Variants in GALNT13 observed in about 807,000 individuals in gnomAD.
GALNT13 encodes polypeptide N-acetylgalactosaminyltransferase 13.
GALNT13 carries 28 observed loss-of-function variants against 64.2 expected under a neutral mutation model. The observed-to-expected ratio is 0.44, with a 90% CI of 0.32 to 0.60. The LOEUF is 0.60. Among genes scored for constraint, GALNT13 ranks in the 20% least tolerant of loss-of-function variants. GALNT13 has a pLI of 0.05. For synonymous variants in GALNT13, 214 were observed against 224.6 expected, an observed-to-expected ratio of 0.95 and a Z score of 0.42; for missense variants, 577 against 669.8, an observed-to-expected ratio of 0.86 and a Z score of 1.53.
chr2:153,443,449 TC>T, the GALNT13 span, among the ~76,000 whole-genome samples: 1 of 152,222 alleles, frequency 6.6e-6, no homozygotes, highest in Non-Finnish European at 1.5e-5. Flanking sequence ...CTCACCTTTT[TC>T]CCATTTTCCC....
chr2:154,432,050 T>A (rs997122170), intron 11 of GALNT13, among the ~76,000 whole-genome samples: 2 of 152,202 alleles, frequency 1.3e-5, no homozygotes, highest in Non-Finnish European at 2.9e-5. Flanking sequence ...GAATTGAGAT[T>A]TGAATTGGCT....
the GALNT13 span, among the ~76,000 whole-genome samples, chr2:153,786,518 G>A: frequency 6.6e-6 from 1 of 152,006 alleles, no homozygotes; most frequent in African/African-American, 2.4e-5. Flanking sequence ...TTTAATCCCT[G>A]CTGCCCTTGG....
chr2:153,412,850 G>A, the GALNT13 span, among the ~76,000 whole-genome samples: 6 of 152,168 alleles, frequency 3.9e-5, no homozygotes, highest in African/African-American at 1.4e-4. Flanking sequence ...CAGATGGGTT[G>A]GAGATATTTC....
intron 3 of GALNT13, among the ~76,000 whole-genome samples, chr2:153,991,682 G>A (rs962861347): frequency 1.3e-5 from 2 of 152,140 alleles, no homozygotes; most frequent in African/African-American, 4.8e-5. Context: ...ACTGTATTTT[G>A]TTAAACAGGG....
intron 9 of GALNT13, among the ~76,000 whole-genome samples, chr2:154,393,356 T>C (rs1482949922): frequency 6.6e-6 from 1 of 152,140 alleles, no homozygotes; most frequent in African/African-American, 2.4e-5. Flanking sequence ...ATACTTGCTT[T>C]CCTATCTTTA....
At chr2:154,242,253 T>G in intron 5 of GALNT13, 57 bp downstream of exon 5, 1 of 1,508,802 alleles carries the variant, frequency 6.6e-7, no homozygotes, top group Non-Finnish European at 9.1e-7. Flanking sequence ...TGTTTTGTTT[T>G]TTTGTATTAG....
the GALNT13 span, among the ~76,000 whole-genome samples, chr2:153,096,088 T>A: frequency 2.6e-5 from 4 of 151,910 alleles, no homozygotes; most frequent in Non-Finnish European, 5.9e-5. Flanking sequence ...AAAAAACAAA[T>A]TTTTCAGTTT....
chr2:154,032,814 T>A (rs1698420748), intron 3 of GALNT13, among the ~76,000 whole-genome samples: 1 of 149,630 alleles, frequency 6.7e-6, no homozygotes, highest in Admixed American at 6.7e-5. Context: ...AGTGGAAAGC[T>A]CAGTGCTTTT....
At chr2:153,157,001 C>T in the GALNT13 span, among the ~76,000 whole-genome samples, 1 of 152,046 alleles carries the variant, frequency 6.6e-6, no homozygotes, top group African/African-American at 2.4e-5. Flanking sequence ...ATGACTGGGC[C>T]TCTTAGTGAA....
At chr2:153,718,958 G>A in the GALNT13 span, among the ~76,000 whole-genome samples, 2 of 152,026 alleles carry the variant, frequency 1.3e-5, no homozygotes, top group African/African-American at 2.4e-5. Context: ...AAGAAATGCC[G>A]TGAATTTTAC....
chr2:154,303,500 T>C (rs1009636369), intron 9 of GALNT13, among the ~76,000 whole-genome samples: 12 of 152,134 alleles, frequency 7.9e-5, no homozygotes, highest in African/African-American at 2.9e-4. Flanking sequence ...CTAGCATCTA[T>C]ATCTGCAGTT....
At chr2:154,026,746 A>G (rs1333406621) in intron 3 of GALNT13, among the ~76,000 whole-genome samples, 1 of 152,184 alleles carries the variant, frequency 6.6e-6, no homozygotes, top group Non-Finnish European at 1.5e-5. Context: ...CTCCAAATAC[A>G]TTCAAAATGT....
the GALNT13 span, among the ~76,000 whole-genome samples, chr2:153,744,349 G>A: frequency 6.6e-6 from 1 of 152,154 alleles, no homozygotes; most frequent in East Asian, 1.9e-4. Context: ...GGTATTGTCT[G>A]TCTTTTGGAT....
At chr2:153,326,167 T>G in the GALNT13 span, among the ~76,000 whole-genome samples, 3 of 152,232 alleles carry the variant, frequency 2.0e-5, no homozygotes, top group African/African-American at 7.2e-5. Context: ...GCTCCTGTAC[T>G]GGGTGCATAT....
intron 10 of GALNT13, among the ~76,000 whole-genome samples, chr2:154,405,770 C>T (rs556389562): frequency 2.5e-3 from 379 of 151,734 alleles, no homozygotes; most frequent in African/African-American, 8.4e-3. Flanking sequence ...AAAATTGCAA[C>T]GATATTGTGA....
At chr2:153,266,629 C>A in the GALNT13 span, among the ~76,000 whole-genome samples, 2 of 151,994 alleles carry the variant, frequency 1.3e-5, no homozygotes, top group Non-Finnish European at 2.9e-5. Context: ...GCCATCAGAT[C>A]TCATGAGAAC....
At chr2:153,214,175 G>C in the GALNT13 span, among the ~76,000 whole-genome samples, 5 of 152,038 alleles carry the variant, frequency 3.3e-5, no homozygotes, top group Non-Finnish European at 4.4e-5. Context: ...GCAAAATGTT[G>C]GAGAGGGCCC....
At chr2:154,183,110 ATCT>A (rs1686053339) in intron 4 of GALNT13, among the ~76,000 whole-genome samples, 1 of 152,150 alleles carries the variant, frequency 6.6e-6, no homozygotes. Context: ...TTGGCATTGA[ATCT>A]TCTTTAAATA....
the GALNT13 span, among the ~76,000 whole-genome samples, chr2:153,630,419 G>A: frequency 1.9e-3 from 274 of 141,658 alleles, 3 homozygotes; most frequent in African/African-American, 7.0e-3. Context: ...AACACCGCAT[G>A]TTCTCACTCA....
Sources: gnomAD v4.1 joint callset for allele counts (sites outside exome capture counted in the v4.1 genomes callset) on GRCh38, gnomAD v4.1.1 for gene constraint, MANE v1.5 for transcripts, NCBI Gene and HGNC (gene_info 2026-07-23, HGNC 2026-07-21) for gene names.